The following CNTN3 variants were observed in gnomAD, a reference collection of about 807,000 sequenced individuals.
CNTN3 encodes contactin-3.
A neutral mutation model predicts 119.1 loss-of-function variants in CNTN3; 60 were observed. The ratio of observed to expected loss-of-function variants is 0.50; its 90% CI spans 0.41 to 0.62. CNTN3 has a LOEUF of 0.62. CNTN3 is among the 20% of genes least tolerant of loss of function. CNTN3 has a pLI of 0.00. For missense variants in CNTN3, 1,101 were observed against 1,242.4 expected, an observed-to-expected ratio of 0.89 and a Z score of 1.71; for synonymous variants, 450 against 438.7, an observed-to-expected ratio of 1.03 and a Z score of -0.32.
At position 74,586,632 on chromosome 3, in the gene CNTN3, G is replaced by C. The variant is rs548342340; in HGVS notation, c.-81+27759C>G. 1.6e-4 allele frequency among the ~76,000 whole-genome samples: 24 copies of C among 151,894 alleles called. No individual in the cohort carries two copies. In the South Asian group the frequency reaches 4.8e-3, roughly 30 times the overall value. On this transcript the variant is annotated intron_variant, in intron 1 of 22. Coordinates refer to ENST00000263665, the MANE Select transcript of CNTN3 (RefSeq NM_020872.3). ...CCTCAATTTTCCCATCTAATCAAAG[G>C]GGTTAATAGTAATATCTACCTCATG... is the stretch of plus-strand genomic sequence containing the variant.
At chr3:74,382,956 A>G (rs534930444) in intron 5 of CNTN3, among the ~76,000 whole-genome samples, 4 of 152,282 alleles carry the variant, frequency 2.6e-5, no homozygotes, top group South Asian at 2.1e-4. Flanking sequence ...ATACTTTCCT[A>G]TCAATTGCCC....
intron 9 of CNTN3, among the ~76,000 whole-genome samples, 185 bp from the exon 10 acceptor site, chr3:74,364,781 C>T (rs1435008145): frequency 6.6e-6 from 1 of 152,142 alleles, no homozygotes; most frequent in Non-Finnish European, 1.5e-5. Context: ...AATAGCTACA[C>T]ATTAGAAATA....
Position 74,430,105 on chromosome 3 carries a change from C to T in CNTN3, c.359-5165G>A, listed in dbSNP as rs150554625. 2.5e-3 allele frequency among the ~76,000 whole-genome samples: 377 copies of T among 152,290 alleles called. 2 individuals carry two copies. Among genetic ancestry groups the T allele is most frequent in the African/African-American group, 8.8e-3 (364 of 41,564 alleles). ...TTAGTTTCCTGTAAAACGAACCACACGTAACTACCATATGACCAGCAATTG... is the reference window on the plus strand; with the variant it reads ...TTAGTTTCCTGTAAAACGAACCACATGTAACTACCATATGACCAGCAATTG... On this transcript the variant is annotated intron_variant, in intron 4 of 22. Transcript: ENST00000263665.
At chr3:74,526,063 C>T (rs1703614342) in intron 1 of CNTN3, among the ~76,000 whole-genome samples, 1 of 151,840 alleles carries the variant, frequency 6.6e-6, no homozygotes, top group South Asian at 2.1e-4. Context: ...ACCTAACAAA[C>T]ATTTTCTTTC....
intron 1 of CNTN3, among the ~76,000 whole-genome samples, chr3:74,576,335 C>T (rs1704416555): frequency 6.6e-6 from 1 of 152,164 alleles, no homozygotes; most frequent in African/African-American, 2.4e-5. Flanking sequence ...GTGTTCCCAT[C>T]TCCATAGCCT....
intron 8 of CNTN3, 145 bp downstream of exon 8, chr3:74,369,044 A>G: frequency 2.0e-6 from 1 of 502,250 alleles, no homozygotes; most frequent in South Asian, 6.2e-5. Context: ...CCTATGATCA[A>G]TGTTTATCAT....
At chr3:74,503,983 T>G (rs970731648) in intron 2 of CNTN3, among the ~76,000 whole-genome samples, 1 of 152,136 alleles carries the variant, frequency 6.6e-6, no homozygotes, top group Non-Finnish European at 1.5e-5. Context: ...CCTAAGGTAA[T>G]GTCATGTAAA....
chr3:74,395,568 T>G (rs899901928), intron 5 of CNTN3, among the ~76,000 whole-genome samples: 13 of 152,214 alleles, frequency 8.5e-5, no homozygotes, highest in African/African-American at 3.1e-4. Flanking sequence ...TAGTCAACTC[T>G]GAAAAAGTTA....
At chr3:74,530,792 A>C (rs1039148783) in intron 1 of CNTN3, among the ~76,000 whole-genome samples, 1 of 151,910 alleles carries the variant, frequency 6.6e-6, no homozygotes, top group African/African-American at 2.4e-5. Context: ...GGGGCTGAGA[A>C]AGAAGGAAGT....
chr3:74,430,864 T>A (rs1419772639), intron 4 of CNTN3, among the ~76,000 whole-genome samples: 1 of 152,128 alleles, frequency 6.6e-6, no homozygotes, highest in East Asian at 1.9e-4. Context: ...TTTCCTTATT[T>A]CCTTTTATTT....
At chr3:74,563,924 T>A (rs558845860) in intron 1 of CNTN3, among the ~76,000 whole-genome samples, 1 of 152,298 alleles carries the variant, frequency 6.6e-6, no homozygotes, top group African/African-American at 2.4e-5. Context: ...ATATTCACAT[T>A]GCTCTTGGGC....
intron 1 of CNTN3, among the ~76,000 whole-genome samples, chr3:74,609,908 C>T (rs1251225656): frequency 6.6e-6 from 1 of 151,964 alleles, no homozygotes; most frequent in East Asian, 1.9e-4. Context: ...CTAAGCATAC[C>T]AAGGAAATGA....
At chr3:74,534,590 A>G (rs1359201453) in intron 1 of CNTN3, among the ~76,000 whole-genome samples, 1 of 152,076 alleles carries the variant, frequency 6.6e-6, no homozygotes, top group African/African-American at 2.4e-5. Flanking sequence ...GAAGTAGAAT[A>G]GAACAGAAAC....
intron 4 of CNTN3, among the ~76,000 whole-genome samples, chr3:74,441,935 ACATAAAGGTCTCTATGTTCCTATTC>A (rs1701973310): frequency 6.6e-6 from 1 of 152,112 alleles, no homozygotes; most frequent in Admixed American, 6.6e-5. Context: ...GACTTTCTAC[ACATAAAGGTCTCTATGTTCCTATTC>A]CATTCAATTT....
At chr3:74,587,549 T>C (rs899250058) in intron 1 of CNTN3, among the ~76,000 whole-genome samples, 2 of 152,002 alleles carry the variant, frequency 1.3e-5, no homozygotes, top group African/African-American at 4.8e-5. Flanking sequence ...TGGGAAGAAA[T>C]AAGCTCTAGA....
At chr3:74,531,780 AAG>A (rs1703696531) in intron 1 of CNTN3, among the ~76,000 whole-genome samples, 1 of 151,942 alleles carries the variant, frequency 6.6e-6, no homozygotes, top group South Asian at 2.1e-4. Context: ...TCAGTTCTGC[AAG>A]AGAGTGACAA....
At chr3:74,302,313 T>C (rs961043526) in intron 14 of CNTN3, among the ~76,000 whole-genome samples, 1 of 152,186 alleles carries the variant, frequency 6.6e-6, no homozygotes, top group Non-Finnish European at 1.5e-5. Context: ...ATCCTGATAC[T>C]TTTTTTGTAT....
chr3:74,377,350 G>A (rs1704503496), intron 5 of CNTN3, among the ~76,000 whole-genome samples: 1 of 151,918 alleles, frequency 6.6e-6, no homozygotes, highest in East Asian at 1.9e-4. Flanking sequence ...AGAATAATGT[G>A]ATTTATGCAT....
chr3:74,532,149 A>G (rs978322545), intron 1 of CNTN3, among the ~76,000 whole-genome samples: 7 of 152,030 alleles, frequency 4.6e-5, no homozygotes, highest in Admixed American at 1.3e-4. Flanking sequence ...GATCAGCCAC[A>G]TAGTGGTGGG....
Sources: allele counts gnomAD v4.1 joint callset (sites outside exome capture counted in the v4.1 genomes callset), GRCh38; gene constraint gnomAD v4.1.1; transcripts MANE v1.5; gene names NCBI Gene and HGNC (gene_info 2026-07-23, HGNC 2026-07-21).